Variants in ZNF423 observed in about 807,000 individuals in gnomAD.
The protein encoded by ZNF423 is Ebf-associated zinc finger protein.
In ZNF423, 12 loss-of-function variants were observed where a neutral mutation model predicts 95.8. The ratio of observed to expected loss-of-function variants is 0.13; its 90% confidence interval spans 0.08 to 0.20. ZNF423 has a LOEUF of 0.20. Ranked by LOEUF, ZNF423 falls within the 10% of genes least tolerant of loss-of-function variation. ZNF423 has a pLI of 1.00. For missense variants in ZNF423, 1,316 were observed against 1,737.1 expected, an observed-to-expected ratio of 0.76 and a Z score of 4.31; for synonymous variants, 749 against 711.9, an observed-to-expected ratio of 1.05 and a Z score of -0.83.
chr16:49,543,205 A>G (rs1244121199), intron 5 of ZNF423, among the ~76,000 whole-genome samples: 1 of 152,210 alleles, frequency 6.6e-6, no homozygotes, highest in African/African-American at 2.4e-5. Context: ...GAATCATAAA[A>G]GGGCTCAACA....
chr16:49,651,317 C>A (rs756956849), intron 3 of ZNF423, among the ~76,000 whole-genome samples: 2 of 152,004 alleles, frequency 1.3e-5, no homozygotes, highest in Non-Finnish European at 2.9e-5. Flanking sequence ...TAAGCCACCA[C>A]GCCTGGCCCA....
At chr16:49,517,639 A>T in intron 7 of ZNF423, 1 of 227,496 alleles carries the variant, frequency 4.4e-6, no homozygotes, top group Non-Finnish European at 8.7e-6. Flanking sequence ...TTGTTTTGTG[A>T]AATTGAAAGC....
intron 5 of ZNF423, among the ~76,000 whole-genome samples, chr16:49,607,195 C>T (rs1346824252): frequency 6.6e-6 from 1 of 151,656 alleles, no homozygotes; most frequent in Non-Finnish European, 1.5e-5. Context: ...ATGATAAACC[C>T]TTCATGAAAA....
At chr16:49,491,360 G>A (rs907478029) in intron 7 of ZNF423, 56 bp from the exon 8 acceptor site, 3 of 1,605,058 alleles carry the variant, frequency 1.9e-6, no homozygotes, top group African/African-American at 1.3e-5. Flanking sequence ...GAGCATGCTC[G>A]TCCCTCCCAC....
chr16:49,790,896 C>A (rs1031255309), intron 1 of ZNF423, among the ~76,000 whole-genome samples: 10 of 152,174 alleles, frequency 6.6e-5, no homozygotes, highest in African/African-American at 2.4e-4. Context: ...TAACTGCCCC[C>A]ATAATAATGT....
At chr16:49,549,494 G>A (rs767028876) in intron 5 of ZNF423, among the ~76,000 whole-genome samples, 1 of 152,186 alleles carries the variant, frequency 6.6e-6, no homozygotes, top group Non-Finnish European at 1.5e-5. Context: ...CCCAAAGAAC[G>A]GAGGCACAGC....
At chr16:49,576,765 A>G (rs1970513293) in intron 5 of ZNF423, among the ~76,000 whole-genome samples, 1 of 152,184 alleles carries the variant, frequency 6.6e-6, no homozygotes, top group African/African-American at 2.4e-5. Context: ...AATTTTTTCC[A>G]TTGGCACTGG....
In ZNF423 at chr16:49,804,555, C is replaced by T. The variant is rs1476235678; in HGVS notation, c.41-15009G>A. Among the ~76,000 whole-genome samples the T allele has an allele frequency of 2.0e-5, 3 of 152,160 alleles. No homozygotes were observed. The East Asian group carries it at 5.8e-4, about 29-fold the overall frequency. On this transcript the variant is annotated intron_variant, in intron 1 of 7. Transcript: ENST00000563137. Reference sequence around the variant, plus strand: ...GCTTCCAGCTTCTCATCCATGTCCCCAGAGTCAGCCTGACCACAGGCTACA... The same window carrying T: ...GCTTCCAGCTTCTCATCCATGTCCCTAGAGTCAGCCTGACCACAGGCTACA...
chr16:49,755,826 G>T lies in ZNF423; in HGVS notation c.101-24855C>A, dbSNP rs192011181. 2.1e-4 allele frequency among the ~76,000 whole-genome samples: 32 copies of T among 152,302 alleles called. No individual in the cohort carries two copies. The East Asian group carries it at 5.4e-3, about 26-fold the overall frequency. On this transcript the variant is annotated intron_variant, in intron 2 of 7. Coordinates refer to ENST00000563137, the MANE Select transcript of ZNF423 (RefSeq NM_001379286.1). ...TGCTGATGGTAATAAAATGCCCAAA[G>T]GACTTCAGGTCTGAGCTGCAGCCAC...
chr16:49,846,750 T>G (rs1219308291), intron 1 of ZNF423, among the ~76,000 whole-genome samples: 1 of 152,074 alleles, frequency 6.6e-6, no homozygotes, highest in Non-Finnish European at 1.5e-5. Context: ...GATGATTGTC[T>G]CTCCTCTCTC....
chr16:49,504,126 G>C (rs1967538270), intron 7 of ZNF423, among the ~76,000 whole-genome samples: 1 of 152,206 alleles, frequency 6.6e-6, no homozygotes, highest in Non-Finnish European at 1.5e-5. Flanking sequence ...ATGTTTAACA[G>C]GAACAGAGTT....
chr16:49,625,879 G>A (rs986379479), intron 5 of ZNF423, among the ~76,000 whole-genome samples: 2 of 152,200 alleles, frequency 1.3e-5, no homozygotes, highest in African/African-American at 4.8e-5. Context: ...AATTGCTCCT[G>A]AGTGCTTGAC....
intron 5 of ZNF423, among the ~76,000 whole-genome samples, chr16:49,624,130 A>G (rs1338162333): frequency 3.3e-5 from 5 of 152,240 alleles, no homozygotes; most frequent in African/African-American, 1.2e-4. Flanking sequence ...CCCATTTTAT[A>G]TACATATTTA....
intron 1 of ZNF423, among the ~76,000 whole-genome samples, chr16:49,834,104 T>C (rs1401153048): frequency 1.3e-5 from 2 of 152,178 alleles, no homozygotes; most frequent in African/African-American, 4.8e-5. Context: ...CCTGAAGAGT[T>C]AACAGCCCCA....
At chr16:49,658,447 C>A (rs1165261016) in intron 3 of ZNF423, among the ~76,000 whole-genome samples, 5 of 152,364 alleles carry the variant, frequency 3.3e-5, no homozygotes, top group Non-Finnish European at 4.4e-5. Flanking sequence ...TCATCCAAAT[C>A]TACAACACGA....
upstream of ZNF423, chr16:49,856,146 C>G (rs1170655701): frequency 1.4e-4 from 17 of 119,180 alleles, no homozygotes; most frequent in Non-Finnish European, 2.6e-4. Context: ...AAAAAAAAGC[C>G]GCCCCCCTCC....
intron 5 of ZNF423, among the ~76,000 whole-genome samples, chr16:49,589,046 C>T (rs986595578): frequency 6.6e-6 from 1 of 152,194 alleles, no homozygotes; most frequent in African/African-American, 2.4e-5. Context: ...CCCAGCAGCC[C>T]TCCTCTGTCA....
intron 5 of ZNF423, among the ~76,000 whole-genome samples, chr16:49,604,069 C>G (rs1971460004): frequency 6.6e-6 from 1 of 152,226 alleles, no homozygotes; most frequent in Non-Finnish European, 1.5e-5. Context: ...GCTGCAAGAA[C>G]AGCCCCTGGT....
intron 2 of ZNF423, among the ~76,000 whole-genome samples, chr16:49,736,519 C>T (rs1474836804): frequency 6.6e-6 from 1 of 152,218 alleles, no homozygotes; most frequent in East Asian, 1.9e-4. Flanking sequence ...ACTGAATTTT[C>T]AGGCCAGTCA....
Sources: allele counts gnomAD v4.1 joint callset (sites outside exome capture counted in the v4.1 genomes callset), GRCh38; gene constraint gnomAD v4.1.1; transcripts MANE v1.5; gene names NCBI Gene and HGNC (gene_info 2026-07-23, HGNC 2026-07-21).